Variants in CCDC73 observed in about 807,000 individuals in gnomAD.
CCDC73 encodes the protein coiled-coil domain-containing protein 73.
A neutral mutation model predicts 116.5 loss-of-function variants in CCDC73; 95 were observed. The observed-to-expected ratio is 0.82, with a 90% CI of 0.69 to 0.97. The LOEUF (loss-of-function observed/expected upper bound fraction) is 0.97. CCDC73 is among the 50% of genes least tolerant of loss of function. The pLI is 0.00. For synonymous variants in CCDC73, 398 were observed against 401.3 expected (o/e 0.99, Z 0.10); for missense variants, 1,066 against 1,206.8 (o/e 0.88, Z 1.73).
intron 3 of CCDC73, among the ~76,000 whole-genome samples, chr11:32,710,701 A>C (rs1352456384): frequency 1.3e-5 from 2 of 152,204 alleles, no homozygotes; most frequent in African/African-American, 4.8e-5. Context: ...CGATAAGTCC[A>C]TTTGTTCTAG....
chr11:32,820,605 C>T, the CCDC73 span, among the ~76,000 whole-genome samples: 2 of 152,140 alleles, frequency 1.3e-5, no homozygotes, highest in African/African-American at 4.8e-5. Context: ...ATGGATAAGG[C>T]AATAATCTCT....
At chr11:32,709,287 CT>C (rs1418497911) in intron 3 of CCDC73, among the ~76,000 whole-genome samples, 1 of 151,494 alleles carries the variant, frequency 6.6e-6, no homozygotes, top group African/African-American at 2.4e-5. Flanking sequence ...TTTTGATATG[CT>C]GTTGGATTTG....
intron 9 of CCDC73, among the ~76,000 whole-genome samples, chr11:32,662,542 T>TC (rs1487126903): frequency 6.6e-6 from 1 of 151,852 alleles, no homozygotes; most frequent in African/African-American, 2.4e-5. Context: ...GTTTTTTTTT[T>TC]CTTCTTGTAA....
chr11:32,621,764 C>T (rs1051381725), intron 14 of CCDC73, among the ~76,000 whole-genome samples: 9 of 152,070 alleles, frequency 5.9e-5, no homozygotes, highest in Admixed American at 4.6e-4. Flanking sequence ...ATCTATCTAC[C>T]TGACAAATGG....
At chr11:32,830,494 T>G in the CCDC73 span, 1 of 1,429,068 alleles carries the variant, frequency 7.0e-7, no homozygotes, top group Non-Finnish European at 9.2e-7. Flanking sequence ...AATATTTTTT[T>G]TTGTTTGTTT....
At chr11:32,643,764 T>C (rs1008713293) in intron 12 of CCDC73, among the ~76,000 whole-genome samples, 1 of 152,132 alleles carries the variant, frequency 6.6e-6, no homozygotes, top group Non-Finnish European at 1.5e-5. Context: ...GTCTAGGACA[T>C]TATTACTCAC....
intron 9 of CCDC73, among the ~76,000 whole-genome samples, chr11:32,656,209 C>T (rs996273805): frequency 6.6e-6 from 1 of 151,920 alleles, no homozygotes; most frequent in Admixed American, 6.6e-5. Flanking sequence ...TCCCGAGCAG[C>T]TGGGACTACA....
chr11:32,806,081 T>C, the CCDC73 span, among the ~76,000 whole-genome samples: 35 of 152,248 alleles, frequency 2.3e-4, no homozygotes, highest in Non-Finnish European at 4.7e-4. Context: ...TGTTATGAAG[T>C]AGTAAACTAA....
At position 32,614,303 on chromosome 11, in the gene CCDC73, CT is replaced by C. The variant is rs747131147; in HGVS notation, c.2014del (p.Ser672ValfsTer22). On this transcript the variant is annotated frameshift_variant, in exon 16 of 18. Coordinates refer to ENST00000335185, the MANE Select transcript of CCDC73 (RefSeq NM_001008391.4). LOFTEE classifies it high-confidence loss of function. ...IKQIQLLTKK[S>X]ECSILLSKQT... is the part of the protein sequence containing the mutation. ...TTTAGAAAGTAATATGCTGCACTCACTTTTTTTAGTTAACAGTTGTATTTGT... is the reference window on the plus strand; with the variant it reads ...TTTAGAAAGTAATATGCTGCACTCACTTTTTTAGTTAACAGTTGTATTTGT... 6.8e-6 allele frequency: 11 copies of C among 1,612,924 alleles called. No homozygotes were observed. The highest frequency in any genetic ancestry group is 5.3e-5 in the African/African-American group (4 of 74,952).
Position 32,706,418 on chromosome 11 carries a change from A to G in CCDC73, c.208-3474T>C, listed in dbSNP as rs146509762. On this transcript the variant is annotated intron_variant, in intron 3 of 17. Transcript: ENST00000335185. ...AAAAGGCTTAGAACACAAATAAAAT[A>G]AACTAATGGCTTCACAAATAAAATA... is the stretch of plus-strand genomic sequence containing the variant. 2.9e-3 allele frequency among the ~76,000 whole-genome samples: 444 copies of G among 152,338 alleles called. 1 individual carries two copies. The highest frequency in any genetic ancestry group is 9.9e-3 in the African/African-American group (413 of 41,576).
intron 1 of CCDC73, among the ~76,000 whole-genome samples, chr11:32,793,384 T>A (rs562562670): frequency 7.2e-5 from 11 of 152,220 alleles, no homozygotes; most frequent in Non-Finnish European, 1.5e-4. Context: ...CTTCAAGGTA[T>A]AAAACAAAGA....
chr11:32,704,959 T>C (rs1203832652), intron 3 of CCDC73, among the ~76,000 whole-genome samples: 2 of 152,190 alleles, frequency 1.3e-5, no homozygotes, highest in Admixed American at 1.3e-4. Flanking sequence ...TGTAACCTCA[T>C]TCTTCCTGGA....
chr11:32,687,106 G>A (rs1410775524), intron 6 of CCDC73, among the ~76,000 whole-genome samples: 1 of 151,994 alleles, frequency 6.6e-6, no homozygotes, highest in East Asian at 1.9e-4. Context: ...TTTTAGTTGG[G>A]AATAAAGTCC....
chr11:32,727,107 T>C (rs1452622705), intron 2 of CCDC73, among the ~76,000 whole-genome samples: 1 of 152,184 alleles, frequency 6.6e-6, no homozygotes, highest in Non-Finnish European at 1.5e-5. Context: ...AGAATGTCCC[T>C]CAAATGGGGC....
At chr11:32,677,058 A>T (rs1454699077) in intron 7 of CCDC73, among the ~76,000 whole-genome samples, 1 of 152,236 alleles carries the variant, frequency 6.6e-6, no homozygotes, top group East Asian at 1.9e-4. Context: ...AGAATCATTA[A>T]TTGGTTTCAC....
intron 17 of CCDC73, chr11:32,606,315 G>A (rs1855350472): frequency 6.6e-6 from 1 of 152,180 alleles, no homozygotes; most frequent in African/African-American, 2.4e-5. Flanking sequence ...TTTCCAAAAA[G>A]TGCCAGAGTA....
the CCDC73 span, among the ~76,000 whole-genome samples, chr11:32,806,387 A>G: frequency 2.6e-5 from 4 of 152,106 alleles, no homozygotes; most frequent in African/African-American, 9.7e-5. Context: ...TGGGAGGCTG[A>G]GGCGGGTGGG....
intron 17 of CCDC73, among the ~76,000 whole-genome samples, chr11:32,609,693 C>G (rs1188224260): frequency 6.6e-6 from 1 of 152,170 alleles, no homozygotes; most frequent in Non-Finnish European, 1.5e-5. Flanking sequence ...TAAAGACATA[C>G]CCAAGACTGG....
At chr11:32,752,462 C>G (rs1383012785) in intron 2 of CCDC73, among the ~76,000 whole-genome samples, 1 of 152,044 alleles carries the variant, frequency 6.6e-6, no homozygotes, top group African/African-American at 2.4e-5. Context: ...ATTTTAAATT[C>G]CAGTTTAAAC....
Sources: allele counts gnomAD v4.1 joint callset (sites outside exome capture counted in the v4.1 genomes callset), GRCh38; gene constraint gnomAD v4.1.1; transcripts MANE v1.5; gene names NCBI Gene and HGNC (gene_info 2026-07-23, HGNC 2026-07-21).